ZNF594: variants seen among roughly 807,000 people sequenced by gnomAD.
The protein encoded by ZNF594 is zinc finger protein HZF18.
For synonymous variants in ZNF594, 336 were observed against 309.4 expected (o/e 1.09, Z -0.90); for missense variants, 1,037 against 964.6 (o/e 1.08, Z -0.99).
rs754523849 is a variant in ZNF594, at chr17:5,182,354, C to A, written c.1903G>T (p.Gly635Cys). 1 of 1,613,110 alleles carries A rather than the reference C, an allele frequency of 6.2e-7. No individual in the cohort carries two copies. The highest frequency in any genetic ancestry group is 1.7e-5 in the Admixed American group (1 of 59,960). The change falls in exon 2 of 2, where the codon GGT (glycine) becomes TGT (cysteine). Residue 635 changes from glycine (G) to cysteine (C), a missense_variant. By Grantham distance (159) the Gly-to-Cys change is radical (BLOSUM62 -3). Transcript: ENST00000575779. ...TGGTGTTTAATAAGATCTGAGCTAC[C>A]CCTAAAAGATTTCCCACATTTGTTG... ...VCNKCGKSFRGSSDLIKHHRI... is the reference protein window; with the variant it reads ...VCNKCGKSFRCSSDLIKHHRI...
chr17:5,177,793 G>A (rs759578767), downstream of ZNF594, among the ~76,000 whole-genome samples: 5 of 151,992 alleles, frequency 3.3e-5, no homozygotes, highest in South Asian at 2.1e-4. Flanking sequence ...CCGAGATTGC[G>A]CCACTGCACT....
intron 1 of ZNF594, among the ~76,000 whole-genome samples, chr17:5,185,727 G>A (rs1285039814): frequency 6.6e-6 from 1 of 152,142 alleles, no homozygotes; most frequent in Non-Finnish European, 1.5e-5. Context: ...ATATAATGGG[G>A]GTACAGGTAT....
chr17:5,177,881 A>G (rs1031717165), downstream of ZNF594, among the ~76,000 whole-genome samples: 2 of 152,128 alleles, frequency 1.3e-5, no homozygotes, highest in African/African-American at 4.8e-5. Flanking sequence ...GGACACAGAA[A>G]TAACATAAAA....
At chr17:5,190,260 C>G (rs968057080) in intron 1 of ZNF594, among the ~76,000 whole-genome samples, 1 of 152,072 alleles carries the variant, frequency 6.6e-6, no homozygotes, top group African/African-American at 2.4e-5. Flanking sequence ...CCCAGCTACT[C>G]GGAAGGCTGA....
Position 5,181,324 on chromosome 17 carries a change from C to G in ZNF594, c.*509G>C. On this transcript the variant is annotated 3_prime_UTR_variant, in exon 2 of 2. Transcript: ENST00000575779. The stretch of plus-strand genomic sequence containing the variant: ...CATTCTTTACATTCATATGGTTTCT[C>G]TCCTGTATGAGTTACCTGATGTCCG... 3.7e-6 allele frequency: 6 copies of G among 1,612,978 alleles called. No individual in the cohort carries two copies. Among genetic ancestry groups the G allele is most frequent in the Non-Finnish European group, 4.2e-6 (5 of 1,178,988 alleles).
Position 5,181,173 on chromosome 17 carries a change from T to C in ZNF594, c.*660A>G, listed in dbSNP as rs1416386445. On this transcript the variant is annotated 3_prime_UTR_variant, in exon 2 of 2. Coordinates refer to ENST00000575779, the MANE Select transcript of ZNF594 (RefSeq NM_032530.2). ...GGGTTTCTCTCCAGTATGAACACGA[T>C]GGTGTCTAATAAGATCTGAGCTGCC... 3.1e-6 allele frequency: 5 copies of C among 1,610,076 alleles called. No individual in the cohort carries two copies. Among genetic ancestry groups the C allele is most frequent in the Admixed American group, 1.7e-5 (1 of 59,990 alleles).
downstream of ZNF594, among the ~76,000 whole-genome samples, chr17:5,175,788 G>A (rs2074303211): frequency 6.6e-6 from 1 of 151,870 alleles, no homozygotes; most frequent in African/African-American, 2.4e-5. Context: ...CTGTCTGGGA[G>A]ATCCAAGGAG....
downstream of ZNF594, among the ~76,000 whole-genome samples, chr17:5,176,560 T>C (rs1274964788): frequency 1.3e-5 from 2 of 151,632 alleles, no homozygotes; most frequent in Non-Finnish European, 2.9e-5. Context: ...TTTTTTTTTT[T>C]TAAATAGAGA....
rs545267763 is a variant in ZNF594 at position 5,191,741 on chromosome 17, G to A, written c.-21+7C>T. The A allele has an allele frequency of 6.6e-6, 1 of 152,512 alleles. No homozygotes were observed. The highest frequency in any genetic ancestry group is 1.9e-4 in the East Asian group (1 of 5,192). 9.4% of individuals were successfully genotyped at this position (152,512 alleles called of 1,614,324 possible). ...CCGCCAGCTCTGTGAACGCAGCGGG[G>A]TCTCACCTCCAGGCTACCCCCAACC... On this transcript the variant is annotated splice_region_variant and intron_variant, in intron 1 of 1. Coordinates refer to ENST00000575779, the MANE Select transcript of ZNF594 (RefSeq NM_032530.2).
At position 5,188,199 on chromosome 17, in the gene ZNF594, T is replaced by A. The variant is rs1287814972; in HGVS notation, c.-21+3549A>T. ...TTTTTTGGTTCGATATACATATATA[T>A]ATAGAGAGAGAGAGTTCAAAATTCA... On this transcript the variant is annotated intron_variant, in intron 1 of 1. Transcript: ENST00000575779. Among the ~76,000 whole-genome samples, 3 of 149,702 alleles carry A rather than the reference T, an allele frequency of 2.0e-5. No individual in the cohort carries two copies. In the Admixed American group the frequency reaches 2.0e-4, roughly 10 times the overall value.
chr17:5,188,873 G>A (rs372824754), intron 1 of ZNF594, among the ~76,000 whole-genome samples: 139 of 150,262 alleles, frequency 9.3e-4, no homozygotes, highest in Middle Eastern at 3.5e-3. Context: ...TCAGCCTCCC[G>A]AGTAGCTGGG....
Position 5,181,878 on chromosome 17 carries a change from T to G in ZNF594, c.2379A>C (p.Glu793Asp). The change falls in exon 2 of 2, where the codon GAA (glutamate) becomes GAC (aspartate). Residue 793 changes from glutamate to aspartate, a missense_variant. Transcript: ENST00000575779. ...TGAGCTCTGATTGAGTTTTCCCACA[T>G]TCTTTACATTCATATGGTTTCTCTC... ...HTREKPYECK[E>D]CGKTQSELRP... 1 of 1,614,032 alleles carries G rather than the reference T, an allele frequency of 6.2e-7. No homozygotes were observed. The highest frequency in any genetic ancestry group is 1.3e-5 in the African/African-American group (1 of 74,980).
chr17:5,180,912 T>G lies in ZNF594; in HGVS notation c.*921A>C. The G allele has an allele frequency of 1.6e-6, 1 of 612,104 alleles. No homozygotes were observed. Among genetic ancestry groups the G allele is most frequent in the Admixed American group, 2.4e-5 (1 of 42,402 alleles). 37.9% of individuals were successfully genotyped at this position (612,104 alleles called of 1,614,324 possible). On this transcript the variant is annotated 3_prime_UTR_variant, in exon 2 of 2. Transcript: ENST00000575779. ...TGGTCTCCATCAGACTTTTCCTAGT[T>G]TTACTGCATTCATTAGGTTTCTGCT...
chr17:5,191,029 C>T (rs1308538607), intron 1 of ZNF594, among the ~76,000 whole-genome samples: 1 of 152,170 alleles, frequency 6.6e-6, no homozygotes. Context: ...TTTGCCAGTT[C>T]TGCTTCTGTA....
chr17:5,180,375 T>G lies in ZNF594; in HGVS notation c.*1458A>C, dbSNP rs2144234706. ...ACGAGCCACCGCACCTGGCCTACAC[T>G]CATTACTTTCACAGGGTTTTTTCCC... is the stretch of plus-strand genomic sequence containing the variant. On this transcript the variant is annotated 3_prime_UTR_variant, in exon 2 of 2. Transcript: ENST00000575779. 1 of 154,268 alleles carries G rather than the reference T, an allele frequency of 6.5e-6. No individual in the cohort carries two copies. Among genetic ancestry groups the G allele is most frequent in the East Asian group, 1.9e-4 (1 of 5,212 alleles). 9.6% of individuals were successfully genotyped at this position (154,268 alleles called of 1,614,324 possible). A position where few individuals can be genotyped will look rare whatever the true frequency, so the allele number is the denominator to read the frequency against.
Position 5,181,177 on chromosome 17 carries a change from G to A in ZNF594, c.*656C>T, listed in dbSNP as rs752151767. On this transcript the variant is annotated 3_prime_UTR_variant, in exon 2 of 2. Coordinates refer to ENST00000575779, the MANE Select transcript of ZNF594 (RefSeq NM_032530.2). Reference sequence around the variant, plus strand: ...TTCTCTCCAGTATGAACACGATGGTGTCTAATAAGATCTGAGCTGCCCCTA... The same window carrying A: ...TTCTCTCCAGTATGAACACGATGGTATCTAATAAGATCTGAGCTGCCCCTA... The A allele has an allele frequency of 1.2e-6, 2 of 1,610,280 alleles. No homozygotes were observed. Among genetic ancestry groups the A allele is most frequent in the East Asian group, 2.2e-5 (1 of 44,880 alleles).
At position 5,181,581 on chromosome 17, in the gene ZNF594, C is replaced by A. The variant is rs748712163; in HGVS notation, c.*252G>T. The A allele has an allele frequency of 5.0e-6, 8 of 1,613,384 alleles. No individual in the cohort carries two copies. The East Asian group carries it at 6.7e-5, about 13-fold the overall frequency. On this transcript the variant is annotated 3_prime_UTR_variant, in exon 2 of 2. Coordinates refer to ENST00000575779, the MANE Select transcript of ZNF594 (RefSeq NM_032530.2). ...ATAGGGTTTCTCACCACTATGAATT[C>A]TCCGACGTTGAATAAGGAGTGAACG...
At chr17:5,185,209 G>C (rs943084773) in intron 1 of ZNF594, among the ~76,000 whole-genome samples, 4 of 152,156 alleles carry the variant, frequency 2.6e-5, no homozygotes, top group Admixed American at 6.5e-5. Flanking sequence ...AGACATACCT[G>C]AGACTGGAGA....
At position 5,181,044 on chromosome 17, in the gene ZNF594, C is replaced by T. The variant is rs774315263; in HGVS notation, c.*789G>A. 6.0e-5 allele frequency: 67 copies of T among 1,117,134 alleles called. No individual in the cohort carries two copies. The South Asian group carries it at 7.5e-4, about 13-fold the overall frequency. The allele number at this position is 1,117,134 out of a possible 1,614,324, so 69.2% of individuals were successfully genotyped here. On this transcript the variant is annotated 3_prime_UTR_variant, in exon 2 of 2. Transcript: ENST00000575779. ...AGCTGTCCACCCACTGAAGGCCTTACCACAGTTGCTACATTCAAAGGGTTT... is the reference window on the plus strand; with the variant it reads ...AGCTGTCCACCCACTGAAGGCCTTATCACAGTTGCTACATTCAAAGGGTTT...
Sources: gnomAD v4.1 joint callset for allele counts (sites outside exome capture counted in the v4.1 genomes callset) on GRCh38, gnomAD v4.1.1 for gene constraint, MANE v1.5 for transcripts, NCBI Gene and HGNC (gene_info 2026-07-23, HGNC 2026-07-21) for gene names.